The following SLC15A1 variants were observed in gnomAD, a reference collection of about 807,000 sequenced individuals.
SLC15A1 encodes the protein Caco-2 oligopeptide transporter.
In SLC15A1, 83 loss-of-function variants were observed where a neutral mutation model predicts 92.9. The observed-to-expected ratio is 0.89, with a 90% CI of 0.75 to 1.07. The LOEUF (loss-of-function observed/expected upper bound fraction) is 1.07, where lower values mean the gene tolerates loss of function less well. Ranked by LOEUF, SLC15A1 falls within the 50% of genes least tolerant of loss-of-function variation. The pLI is 0.00. For synonymous variants in SLC15A1, 322 were observed against 318.2 expected (o/e 1.01, Z -0.13); for missense variants, 857 against 880.1 (o/e 0.97, Z 0.33).
intron 8 of SLC15A1, among the ~76,000 whole-genome samples, chr13:98,718,632 C>A (rs1344625041): frequency 1.3e-5 from 2 of 152,084 alleles, no homozygotes; most frequent in Non-Finnish European, 2.9e-5. Flanking sequence ...GCCTGGCCAG[C>A]ATGGTGAAAC....
At chr13:98,698,603 A>T (rs1044981151) in intron 18 of SLC15A1, among the ~76,000 whole-genome samples, 1 of 151,916 alleles carries the variant, frequency 6.6e-6, no homozygotes, top group Admixed American at 6.6e-5. Context: ...ACCATGCCTA[A>T]TTTTTGTATT....
intron 4 of SLC15A1, among the ~76,000 whole-genome samples, chr13:98,725,875 GCCA>G (rs2088294435): frequency 6.6e-6 from 1 of 152,112 alleles, no homozygotes; most frequent in Non-Finnish European, 1.5e-5. Context: ...ACAGGTGTAT[GCCA>G]CTATGCCTTG....
At chr13:98,694,472 T>C (rs2088006073) in intron 18 of SLC15A1, among the ~76,000 whole-genome samples, 2 of 152,240 alleles carry the variant, frequency 1.3e-5, no homozygotes, top group Non-Finnish European at 2.9e-5. Context: ...AGTTTATATA[T>C]ATAATTTATA....
chr13:98,727,641 G>C (rs529449853), intron 1 of SLC15A1, among the ~76,000 whole-genome samples: 2 of 152,114 alleles, frequency 1.3e-5, no homozygotes, highest in African/African-American at 4.8e-5. Flanking sequence ...TCCCCATCCC[G>C]TCAGCACCTG....
Position 98,701,406 on chromosome 13 carries a change from C to T in SLC15A1, c.1466+1074G>A, listed in dbSNP as rs2088065823. 2.6e-5 allele frequency among the ~76,000 whole-genome samples: 4 copies of T among 152,128 alleles called. No individual in the cohort carries two copies. In the South Asian group the frequency reaches 8.3e-4, roughly 32 times the overall value. ...GTGTCCTGTGACTTTTCTAAATTCA[C>T]TTATTGATTCTGTGAGCTTCTTTTG... On this transcript the variant is annotated intron_variant, in intron 18 of 22. Transcript: ENST00000376503.
At chr13:98,750,301 C>T (rs1200416107) in intron 1 of SLC15A1, among the ~76,000 whole-genome samples, 1 of 151,930 alleles carries the variant, frequency 6.6e-6, no homozygotes, top group South Asian at 2.1e-4. Context: ...TTAGTAGAGA[C>T]GGGGTTTCAC....
At chr13:98,711,982 C>G (rs781356073) in intron 10 of SLC15A1, 39 bp from the exon 11 acceptor site, 6 of 1,449,304 alleles carry the variant, frequency 4.1e-6, no homozygotes, top group African/African-American at 2.8e-5. Flanking sequence ...CAGCCACACC[C>G]TGTGTCCTGT....
chr13:98,731,518 C>G (rs9584921), intron 1 of SLC15A1, among the ~76,000 whole-genome samples: 10,962 of 152,190 alleles, frequency 0.072, 469 homozygotes, highest in African/African-American at 0.12. Flanking sequence ...AGAAAGGTCC[C>G]TGTTATCCTT....
At chr13:98,703,052 C>T (rs1361546826) in intron 17 of SLC15A1, among the ~76,000 whole-genome samples, 1 of 148,624 alleles carries the variant, frequency 6.7e-6, no homozygotes, top group African/African-American at 2.5e-5. Context: ...AATCCCAGAG[C>T]TTTGGAAGGA....
At chr13:98,692,582 C>T (rs969979216) in intron 18 of SLC15A1, among the ~76,000 whole-genome samples, 7 of 152,140 alleles carry the variant, frequency 4.6e-5, no homozygotes, top group Non-Finnish European at 8.8e-5. Context: ...ATTATTTCTG[C>T]CTCAACACCC....
chr13:98,704,162 AGAAG>A (rs1399579338), intron 17 of SLC15A1, 123 bp downstream of exon 17: 36 of 843,288 alleles, frequency 4.3e-5, no homozygotes, highest in Non-Finnish European at 6.2e-5. Flanking sequence ...GTGTTCCAGA[AGAAG>A]GAAGAAATTG....
intron 7 of SLC15A1, chr13:98,720,779 G>A (rs1331999955): frequency 2.9e-5 from 7 of 245,208 alleles, no homozygotes; most frequent in Non-Finnish European, 5.6e-5. Flanking sequence ...AGCCAGGCGT[G>A]GTGGCTCACA....
chr13:98,734,424 G>T (rs1212562310), intron 1 of SLC15A1, among the ~76,000 whole-genome samples: 1 of 152,088 alleles, frequency 6.6e-6, no homozygotes, highest in Non-Finnish European at 1.5e-5. Flanking sequence ...ATCTCACTGG[G>T]ACTGGTTGGA....
chr13:98,702,652 G>A (rs1376733331), intron 17 of SLC15A1, 123 bp from the exon 18 acceptor site: 2 of 801,556 alleles, frequency 2.5e-6, no homozygotes, highest in Non-Finnish European at 4.2e-6. Context: ...TAAGGACATG[G>A]TTACATTAGA....
intron 18 of SLC15A1, among the ~76,000 whole-genome samples, chr13:98,696,307 G>A (rs1032231819): frequency 4.5e-5 from 6 of 131,938 alleles, no homozygotes; most frequent in Admixed American, 8.1e-5. Context: ...CCAGCTACTC[G>A]GAAGGCTGAG....
At chr13:98,742,336 T>C (rs1423041937) in intron 1 of SLC15A1, among the ~76,000 whole-genome samples, 1 of 152,226 alleles carries the variant, frequency 6.6e-6, no homozygotes, top group Non-Finnish European at 1.5e-5. Flanking sequence ...ACATGGGTCA[T>C]GAGCTGCCTT....
intron 1 of SLC15A1, among the ~76,000 whole-genome samples, chr13:98,747,076 G>A (rs1326569803): frequency 6.6e-6 from 1 of 152,226 alleles, no homozygotes; most frequent in East Asian, 1.9e-4. Context: ...ACATCCATGA[G>A]GTGAACCCAG....
chr13:98,708,711 G>A lies in SLC15A1; in HGVS notation c.1124C>T (p.Ala375Val). 1 of 1,613,430 alleles carries A rather than the reference G, an allele frequency of 6.2e-7. No homozygotes were observed. Among genetic ancestry groups the A allele is most frequent in the Middle Eastern group, 1.6e-4 (1 of 6,062 alleles). ...MVLASMAFVV[A>V]AIVQVEIDKT... The stretch of plus-strand genomic sequence containing the variant: ...ATCGATTTCCACCTGCACGATGGCA[G>A]CCACCACAAAGGCCATGGAGGCCAG... The change falls in exon 15 of 23, where the codon GCT (alanine) becomes GTT (valine). Residue 375 changes from alanine to valine, a missense_variant. Transcript: ENST00000376503.
chr13:98,730,599 G>A (rs1393898873), intron 1 of SLC15A1, among the ~76,000 whole-genome samples: 1 of 152,214 alleles, frequency 6.6e-6, no homozygotes, highest in Admixed American at 6.5e-5. Flanking sequence ...AACCAAATGA[G>A]GATGACCTCC....
Sources: allele counts gnomAD v4.1 joint callset (sites outside exome capture counted in the v4.1 genomes callset), GRCh38; gene constraint gnomAD v4.1.1; transcripts MANE v1.5; gene names NCBI Gene and HGNC (gene_info 2026-07-23, HGNC 2026-07-21).